MYT1: variants seen among roughly 807,000 people sequenced by gnomAD.
MYT1 encodes the protein myelin transcription factor I.
A neutral mutation model predicts 123.0 loss-of-function variants in MYT1; 23 were observed. The observed-to-expected ratio is 0.19, with a 90% CI of 0.13 to 0.26. The LOEUF (loss-of-function observed/expected upper bound fraction) is 0.26. Ranked by LOEUF, MYT1 falls within the 10% of genes least tolerant of loss-of-function variation. The pLI is 1.00. For missense variants in MYT1, 1,125 were observed against 1,472.5 expected (o/e 0.76, Z 3.86); for synonymous variants, 518 against 575.3 (o/e 0.90, Z 1.43).
In MYT1 at chr20:64,218,738, T is replaced by A. The variant is rs1983909096; in HGVS notation, c.1847-173T>A. ...TATAGCTGTGCCCTGGGCCCTCCCA[T>A]CCCTCCCAAAGTGCCCCCTCCCCAC... On this transcript the variant is annotated intron_variant, in intron 11 of 22. Transcript: ENST00000328439. This position sits in a 1 kb window ranked among gnomAD's most constrained non-coding sequence, Gnocchi z 4.0. The A allele has an allele frequency of 5.8e-4, 369 of 633,958 alleles. No homozygotes were observed. The highest frequency in any genetic ancestry group is 7.1e-4 in the Non-Finnish European group (254 of 358,532). The allele number at this position is 633,958 out of a possible 1,614,324, so 39.3% of individuals were successfully genotyped here. A position where few individuals can be genotyped will look rare whatever the true frequency, so the allele number is the denominator to read the frequency against.
chr20:64,197,849 G>C (rs945274343), intron 2 of MYT1, among the ~76,000 whole-genome samples: 5 of 152,234 alleles, frequency 3.3e-5, no homozygotes, highest in African/African-American at 1.2e-4. Context: ...AGGGTGGTCA[G>C]ATTCAAGGAT....
At chr20:64,222,176 G>A (rs1220509066) in intron 14 of MYT1, 129 bp downstream of exon 14, 2 of 987,902 alleles carry the variant, frequency 2.0e-6, no homozygotes, top group Non-Finnish European at 3.0e-6. Flanking sequence ...ACCACCTCGA[G>A]CCAGGCAGCC....
chr20:64,208,236 GCT>G lies in MYT1; in HGVS notation c.1042_1043del (p.Ser348GlyfsTer2). The G allele has an allele frequency of 6.2e-7, 1 of 1,614,110 alleles. No individual in the cohort carries two copies. Among genetic ancestry groups the G allele is most frequent in the Non-Finnish European group, 8.5e-7 (1 of 1,180,036 alleles). On this transcript the variant is annotated frameshift_variant, in exon 7 of 23. Transcript: ENST00000328439. LOFTEE classifies it high-confidence loss of function. This position sits in a 1 kb window ranked among gnomAD's most constrained non-coding sequence, Gnocchi z 5.4. Reference sequence around the variant, plus strand: ...GAGTACTCTGTTATTGTGGAGGTCCGCTCGGATGATGACAAGGACGAGGACAC... The same window carrying G: ...GAGTACTCTGTTATTGTGGAGGTCCGCGGATGATGACAAGGACGAGGACAC...
intron 7 of MYT1, 39 bp from the exon 8 acceptor site, chr20:64,211,167 A>T: frequency 6.3e-7 from 1 of 1,589,480 alleles, no homozygotes. Flanking sequence ...CTCACCACCC[A>T]GCTTCCTGGC....
At position 64,189,675 on chromosome 20, in the gene MYT1, A is replaced by G. The variant is rs1982910655; in HGVS notation, c.-98-388A>G. On this transcript the variant is annotated intron_variant, in intron 1 of 22. Transcript: ENST00000328439. This position sits in a 1 kb window ranked among gnomAD's most constrained non-coding sequence, Gnocchi z 5.5. ...TGAGGGGCAGAAGGATCTGGTTGTA[A>G]TGCGAATAATTACTCATTAGTCAGC... 6.6e-6 allele frequency among the ~76,000 whole-genome samples: 1 copy of G among 152,230 alleles called. No individual in the cohort carries two copies. The highest frequency in any genetic ancestry group is 1.5e-5 in the Non-Finnish European group (1 of 68,052).
At chr20:64,204,443 C>G (rs568486630) in intron 4 of MYT1, among the ~76,000 whole-genome samples, 1 of 152,206 alleles carries the variant, frequency 6.6e-6, no homozygotes, top group African/African-American at 2.4e-5. Context: ...GCCCTCCCGG[C>G]TTCTTTTCCC....
At chr20:64,178,511 A>G in intron 1 of MYT1, among the ~76,000 whole-genome samples, 1 of 152,010 alleles carries the variant, frequency 6.6e-6, no homozygotes, top group Non-Finnish European at 1.5e-5. Context: ...ACGTGGGAGC[A>G]CTGAGCCGTT....
In MYT1 at chr20:64,231,985, C is replaced by T. The variant is rs2145731748; in HGVS notation, c.2676-179C>T. 6.6e-6 allele frequency among the ~76,000 whole-genome samples: 1 copy of T among 152,306 alleles called. No individual in the cohort carries two copies. Among genetic ancestry groups the T allele is most frequent in the East Asian group, 1.9e-4 (1 of 5,178 alleles). On this transcript the variant is annotated intron_variant, in intron 18 of 22. Transcript: ENST00000328439. The surrounding 1 kb of genome is among the most constrained non-coding windows in gnomAD (Gnocchi z 6.4). ...GGAGCGTGGCCCGGGTCTTCACACT[C>T]AGCCCGGAAGGGCCAGTTCTTCCCT...
chr20:64,173,316 G>A (rs1188060494), intron 1 of MYT1, among the ~76,000 whole-genome samples: 7 of 152,138 alleles, frequency 4.6e-5, no homozygotes, highest in Admixed American at 2.0e-4. Flanking sequence ...AGACAGAGGT[G>A]GGCTGTTGGA....
At position 64,167,299 on chromosome 20, in the gene MYT1, C is replaced by T. The variant is rs1982111885; in HGVS notation, c.-99+2560C>T. On this transcript the variant is annotated intron_variant, in intron 1 of 22. Coordinates refer to ENST00000328439, the MANE Select transcript of MYT1 (RefSeq NM_004535.3). This position sits in a 1 kb window ranked among gnomAD's most constrained non-coding sequence, Gnocchi z 6.3. ...CGGGCTGGTGGGGGCTGAGCTCTTC[C>T]TGGACGGACTCAGTGCAAAAGGTGC... Among the ~76,000 whole-genome samples, 1 of 152,196 alleles carries T rather than the reference C, an allele frequency of 6.6e-6. No individual in the cohort carries two copies. The highest frequency in any genetic ancestry group is 2.1e-4 in the South Asian group (1 of 4,830).
chr20:64,223,028 C>A, intron 14 of MYT1, 83 bp from the exon 15 acceptor site: 1 of 1,521,228 alleles, frequency 6.6e-7, no homozygotes, highest in Middle Eastern at 1.7e-4. Flanking sequence ...GGAGTGGGCA[C>A]CAGTCTCCCT....
chr20:64,220,983 C>T (rs71325500), intron 13 of MYT1, among the ~76,000 whole-genome samples: 8 of 152,294 alleles, frequency 5.3e-5, no homozygotes, highest in East Asian at 1.9e-4. Flanking sequence ...ACTTCCTTAC[C>T]GGCCCTCACA....
At chr20:64,176,638 G>A (rs1034041680) in intron 1 of MYT1, among the ~76,000 whole-genome samples, 19 of 152,224 alleles carry the variant, frequency 1.2e-4, no homozygotes, top group African/African-American at 2.7e-4. Context: ...GGATGTTCTC[G>A]CCCCAGAAGG....
intron 10 of MYT1, among the ~76,000 whole-genome samples, chr20:64,216,224 A>G (rs1983834417): frequency 6.6e-6 from 1 of 152,236 alleles, no homozygotes; most frequent in Admixed American, 6.5e-5. Flanking sequence ...TGGTCCAGAC[A>G]GGAACAAAGA....
chr20:64,198,766 G>A, intron 2 of MYT1, 96 bp from the exon 3 acceptor site: 7 of 1,384,332 alleles, frequency 5.1e-6, no homozygotes, highest in Non-Finnish European at 7.1e-6. Context: ...TGCTGTCAAA[G>A]CTTGAGCCAG....
intron 21 of MYT1, among the ~76,000 whole-genome samples, chr20:64,237,817 T>G (rs1193113386): frequency 6.6e-6 from 1 of 152,022 alleles, no homozygotes; most frequent in Non-Finnish European, 1.5e-5. Context: ...TGGAGCCGGG[T>G]TTCCTTCCCA....
intron 21 of MYT1, among the ~76,000 whole-genome samples, chr20:64,238,626 C>T (rs1054000151): frequency 2.2e-4 from 34 of 152,246 alleles, no homozygotes; most frequent in Non-Finnish European, 1.3e-4. Flanking sequence ...ATGGCCCTCC[C>T]GGCGGAGCCA....
Position 64,213,729 on chromosome 20 carries a change from G to A in MYT1, c.1631+82G>A. Reference sequence around the variant, plus strand: ...CTTCTCAGTCTCCCGCAGGCTGTATGTGCATGTGTGTGAGTGCATGTGTGT... The same window carrying A: ...CTTCTCAGTCTCCCGCAGGCTGTATATGCATGTGTGTGAGTGCATGTGTGT... On this transcript the variant is annotated intron_variant, in intron 10 of 22. Coordinates refer to ENST00000328439, the MANE Select transcript of MYT1 (RefSeq NM_004535.3). This position sits in a 1 kb window ranked among gnomAD's most constrained non-coding sequence, Gnocchi z 5.6. The A allele has an allele frequency of 9.1e-7, 1 of 1,104,476 alleles. No individual in the cohort carries two copies. The allele number at this position is 1,104,476 out of a possible 1,614,324, so 68.4% of individuals were successfully genotyped here.
At chr20:64,180,046 TCA>T (rs760040647) in intron 1 of MYT1, among the ~76,000 whole-genome samples, 29 of 138,576 alleles carry the variant, frequency 2.1e-4, no homozygotes, top group South Asian at 4.6e-4. Flanking sequence ...TGCCACACAG[TCA>T]CACACAGTTA....
Sources: allele counts gnomAD v4.1 joint callset (sites outside exome capture counted in the v4.1 genomes callset), GRCh38; gene constraint gnomAD v4.1.1; non-coding constraint Gnocchi (gnomAD v3.1); transcripts MANE v1.5; gene names NCBI Gene and HGNC (gene_info 2026-07-23, HGNC 2026-07-21).